CPN1: variants seen among roughly 807,000 people sequenced by gnomAD.
CPN1 encodes the protein carboxypeptidase N subunit 1.
A neutral mutation model predicts 46.4 loss-of-function variants in CPN1; 37 were observed. That is an observed-to-expected ratio of 0.80 (90% confidence interval 0.61 to 1.05). CPN1 has a LOEUF of 1.05. Among genes scored for constraint, CPN1 ranks in the 50% least tolerant of loss-of-function variants. CPN1 has a pLI of 0.00. For missense variants in CPN1, 563 were observed against 602.6 expected (o/e 0.93, Z 0.69); for synonymous variants, 224 against 235.4 (o/e 0.95, Z 0.44).
At chr10:100,063,591 G>C in intron 5 of CPN1, 23 bp downstream of exon 5, 7 of 1,513,110 alleles carry the variant, frequency 4.6e-6, no homozygotes, top group Non-Finnish European at 6.4e-6. Context: ...TTCAGCTTGA[G>C]CAGTTCCCAG....
chr10:100,075,592 A>G (rs2041509150), intron 2 of CPN1, among the ~76,000 whole-genome samples: 1 of 152,200 alleles, frequency 6.6e-6, no homozygotes, highest in Admixed American at 6.5e-5. Flanking sequence ...ACATCTGTTG[A>G]GTATTTTCCA....
In CPN1 at chr10:100,054,375, G is replaced by A. The variant is rs748769668; in HGVS notation, c.1083C>T (p.Val361=). ...YNNLANAVIS[V]SGINHDVTSG... ...AAGTGACATCATGGTTAATCCCACT[G>A]ACAGAAATGACAGCATTGGCGAGAT... The change falls in exon 7 of 9, where the codon GTC becomes GTT. Residue 361 remains valine (V), a synonymous_variant. Coordinates refer to ENST00000370418, the MANE Select transcript of CPN1 (RefSeq NM_001308.3). The A allele has an allele frequency of 3.7e-6, 6 of 1,613,952 alleles. No homozygotes were observed. The South Asian group carries it at 5.5e-5, about 15-fold the overall frequency.
At chr10:100,042,976 C>T (rs920987121) in intron 8 of CPN1, among the ~76,000 whole-genome samples, 5 of 151,634 alleles carry the variant, frequency 3.3e-5, no homozygotes. Flanking sequence ...CACCTATAGT[C>T]CCAGCTACTC....
intron 2 of CPN1, 43 bp downstream of exon 2, chr10:100,075,868 G>A: frequency 6.3e-7 from 1 of 1,593,890 alleles, no homozygotes; most frequent in Non-Finnish European, 8.6e-7. Flanking sequence ...TATTTCCTAA[G>A]AAGGCCTTGA....
At chr10:100,078,324 A>G (rs1249383442) in intron 1 of CPN1, among the ~76,000 whole-genome samples, 3 of 152,192 alleles carry the variant, frequency 2.0e-5, no homozygotes, top group African/African-American at 7.2e-5. Flanking sequence ...TTACAGGCAT[A>G]AGCCACCACA....
At chr10:100,042,917 C>T (rs1054462522) in intron 8 of CPN1, among the ~76,000 whole-genome samples, 17 of 151,544 alleles carry the variant, frequency 1.1e-4, no homozygotes, top group Admixed American at 1.1e-3. Flanking sequence ...TATGGTGAAA[C>T]CCTGTCTCTA....
chr10:100,069,929 CTTT>C, intron 2 of CPN1, 60 bp from the exon 3 acceptor site: 1 of 1,402,184 alleles, frequency 7.1e-7, no homozygotes, highest in Non-Finnish European at 9.8e-7. Context: ...TATTTTCTAA[CTTT>C]TTTTTTTGGA....
intron 8 of CPN1, among the ~76,000 whole-genome samples, chr10:100,044,226 T>G (rs2041295294): frequency 6.6e-6 from 1 of 151,952 alleles, no homozygotes; most frequent in Non-Finnish European, 1.5e-5. Context: ...AATTCCTATT[T>G]AGTAACATAG....
chr10:100,076,143 G>A (rs762079403), intron 1 of CPN1, 36 bp from the exon 2 acceptor site: 1 of 1,604,746 alleles, frequency 6.2e-7, no homozygotes, highest in South Asian at 1.1e-5. Context: ...AAGCTTGGAA[G>A]TGTCATTGAT....
At chr10:100,062,150 G>A (rs2041423012) in intron 5 of CPN1, among the ~76,000 whole-genome samples, 1 of 152,218 alleles carries the variant, frequency 6.6e-6, no homozygotes. Context: ...GGCCAGGTCA[G>A]ATTTGAAGGA....
chr10:100,075,996 T>G lies in CPN1; in HGVS notation c.335A>C (p.Gln112Pro). 1.2e-6 allele frequency: 2 copies of G among 1,614,198 alleles called. No homozygotes were observed. The highest frequency in any genetic ancestry group is 1.7e-6 in the Non-Finnish European group (2 of 1,180,044). The change falls in exon 2 of 9, where the codon CAG becomes CCG. Residue 112 changes from glutamine to proline, a missense_variant. By Grantham distance (76) the Gln-to-Pro change is moderately conservative. Transcript: ENST00000370418. ...FLCEEFRNRN[Q>P]RIVQLIQDTR... ...GTCCTGGATGAGCTGGACGATGCGCTGGTTCCTGTTCCGGAACTCCTCGCA... is the reference window on the plus strand; with the variant it reads ...GTCCTGGATGAGCTGGACGATGCGCGGGTTCCTGTTCCGGAACTCCTCGCA...
At chr10:100,076,502 C>T (rs2041516046) in intron 1 of CPN1, among the ~76,000 whole-genome samples, 1 of 152,180 alleles carries the variant, frequency 6.6e-6, no homozygotes, top group Non-Finnish European at 1.5e-5. Context: ...ACTTACAGTG[C>T]CATTTACAGT....
chr10:100,047,926 G>A (rs150404566), intron 8 of CPN1, among the ~76,000 whole-genome samples: 5,209 of 152,118 alleles, frequency 0.034, 187 homozygotes, highest in African/African-American at 0.086. Flanking sequence ...TGGGAGGCGG[G>A]TGTTGCGGTG....
chr10:100,057,215 T>C, intron 5 of CPN1, 63 bp from the exon 6 acceptor site: 1 of 1,353,466 alleles, frequency 7.4e-7, no homozygotes, highest in Non-Finnish European at 1.0e-6. Context: ...CCCCATCTCA[T>C]CTCTCTCTCT....
intron 5 of CPN1, among the ~76,000 whole-genome samples, chr10:100,062,963 C>CATGGATTTACT (rs2041429513): frequency 6.6e-6 from 1 of 151,988 alleles, no homozygotes; most frequent in African/African-American, 2.4e-5. Flanking sequence ...TTATCCATCC[C>CATGGATTTACT]AGAGCCACAT....
chr10:100,068,250 G>A (rs1291083458), intron 3 of CPN1, among the ~76,000 whole-genome samples: 1 of 125,504 alleles, frequency 8.0e-6, no homozygotes, highest in Non-Finnish European at 1.6e-5. Flanking sequence ...GTCTCGCTCT[G>A]TCACCCAAGC....
intron 8 of CPN1, among the ~76,000 whole-genome samples, chr10:100,047,063 G>A (rs2041317848): frequency 6.7e-6 from 1 of 150,282 alleles, no homozygotes; most frequent in Non-Finnish European, 1.5e-5. Context: ...GGCAGAGCGA[G>A]ACTCTGTCGA....
chr10:100,053,939 C>A (rs2133430035), intron 7 of CPN1, among the ~76,000 whole-genome samples: 1 of 152,160 alleles, frequency 6.6e-6, no homozygotes, highest in Admixed American at 6.5e-5. Flanking sequence ...AAGTCAGCGA[C>A]AAGGCTAACT....
chr10:100,046,317 T>C (rs2041311652), intron 8 of CPN1, among the ~76,000 whole-genome samples: 1 of 152,208 alleles, frequency 6.6e-6, no homozygotes, highest in Non-Finnish European at 1.5e-5. Context: ...CCGATCACAG[T>C]CTAGGCGGAG....
Sources: allele counts gnomAD v4.1 joint callset (sites outside exome capture counted in the v4.1 genomes callset), GRCh38; gene constraint gnomAD v4.1.1; transcripts MANE v1.5; gene names NCBI Gene and HGNC (gene_info 2026-07-23, HGNC 2026-07-21).